ACYP2: variants seen among roughly 807,000 people sequenced by gnomAD.
ACYP2 encodes acylphosphatase-2.
ACYP2 carries 12 observed loss-of-function variants against 11.2 expected under a neutral mutation model. The ratio of observed to expected loss-of-function variants is 1.08; its 90% confidence interval spans 0.69 to 1.74. ACYP2 has a LOEUF of 1.74. ACYP2 is among the 40% of genes most tolerant of loss of function. ACYP2 has a pLI of 0.00. For synonymous variants in ACYP2, 43 were observed against 32.2 expected, an observed-to-expected ratio of 1.33 and a Z score of -1.13; for missense variants, 134 against 101.9, an observed-to-expected ratio of 1.31 and a Z score of -1.35.
intron 2 of ACYP2, among the ~76,000 whole-genome samples, chr2:54,018,980 A>G (rs944182456): frequency 2.6e-5 from 4 of 152,038 alleles, no homozygotes; most frequent in Non-Finnish European, 5.9e-5. Context: ...CCTGATCTCA[A>G]GTGATCCACC....
intron 2 of ACYP2, among the ~76,000 whole-genome samples, chr2:53,977,527 G>A (rs1220464105): frequency 6.6e-6 from 1 of 151,872 alleles, no homozygotes; most frequent in Non-Finnish European, 1.5e-5. Context: ...GAGGTCAAGA[G>A]TTTGAGACCA....
At chr2:54,039,217 G>GTT (rs546709588) in intron 2 of ACYP2, among the ~76,000 whole-genome samples, 304 of 126,040 alleles carry the variant, frequency 2.4e-3, no homozygotes, top group South Asian at 9.9e-3. Flanking sequence ...ATCTTTGGAA[G>GTT]TTTTTTTTTT....
chr2:54,033,922 A>G (rs1043245500), intron 2 of ACYP2, among the ~76,000 whole-genome samples: 1 of 152,246 alleles, frequency 6.6e-6, no homozygotes, highest in African/African-American at 2.4e-5. Flanking sequence ...CAAATGAATC[A>G]TAATATTTCA....
chr2:54,185,429 C>G (rs1199971848), intron 6 of ACYP2, among the ~76,000 whole-genome samples: 1 of 152,106 alleles, frequency 6.6e-6, no homozygotes, highest in East Asian at 1.9e-4. Flanking sequence ...TATTGAGGGC[C>G]ATTGTTTTGG....
intron 2 of ACYP2, among the ~76,000 whole-genome samples, chr2:53,982,711 A>T (rs977096879): frequency 1.3e-5 from 2 of 152,112 alleles, no homozygotes; most frequent in South Asian, 4.1e-4. Flanking sequence ...CTGTTGAGTG[A>T]TTGTCTTAGC....
intron 4 of ACYP2, among the ~76,000 whole-genome samples, chr2:54,123,611 C>T (rs895312859): frequency 1.3e-5 from 2 of 152,122 alleles, no homozygotes; most frequent in African/African-American, 2.4e-5. Context: ...CCATTCCCCA[C>T]CTCATTCCCC....
At chr2:54,106,773 C>T (rs909926276) in intron 4 of ACYP2, among the ~76,000 whole-genome samples, 12 of 151,962 alleles carry the variant, frequency 7.9e-5, no homozygotes, top group East Asian at 5.8e-4. Context: ...TTAGTAGAGA[C>T]GGGGTTTCAC....
At chr2:54,221,520 C>T (rs76811863) in intron 6 of ACYP2, among the ~76,000 whole-genome samples, 47 of 127,278 alleles carry the variant, frequency 3.7e-4, no homozygotes, top group Middle Eastern at 4.3e-3. Flanking sequence ...GAATAAAATT[C>T]TTTTTTTTTT....
intron 4 of ACYP2, among the ~76,000 whole-genome samples, chr2:54,119,010 G>A (rs1208848863): frequency 7.4e-6 from 1 of 134,532 alleles, no homozygotes; most frequent in Non-Finnish European, 1.6e-5. Flanking sequence ...TTCTTTCCCA[G>A]TTATACACAA....
intron 6 of ACYP2, among the ~76,000 whole-genome samples, chr2:54,201,365 A>G (rs544544950): frequency 2.0e-4 from 30 of 152,026 alleles, no homozygotes; most frequent in Non-Finnish European, 3.7e-4. Context: ...TTGGCCTCCC[A>G]AAGTGCTGAG....
At chr2:54,190,238 T>G (rs1415008405) in intron 6 of ACYP2, among the ~76,000 whole-genome samples, 3 of 152,214 alleles carry the variant, frequency 2.0e-5, no homozygotes, top group Non-Finnish European at 4.4e-5. Context: ...TTATTTTTGC[T>G]TTTGTAGCCT....
At chr2:54,119,527 C>T (rs1680021162) in intron 4 of ACYP2, among the ~76,000 whole-genome samples, 1 of 152,108 alleles carries the variant, frequency 6.6e-6, no homozygotes, top group Admixed American at 6.5e-5. Flanking sequence ...ATAAAGTCAT[C>T]ATTAAAATAT....
chr2:54,105,504 G>A (rs1197531545), intron 4 of ACYP2, among the ~76,000 whole-genome samples: 1 of 151,476 alleles, frequency 6.6e-6, no homozygotes, highest in East Asian at 1.9e-4. Flanking sequence ...TTTGAGGCAG[G>A]GTCTCGTTTT....
intron 6 of ACYP2, among the ~76,000 whole-genome samples, chr2:54,244,122 A>G (rs2103992025): frequency 6.6e-6 from 1 of 152,262 alleles, no homozygotes; most frequent in Non-Finnish European, 1.5e-5. Context: ...ACTTAATTTT[A>G]TTAAAAACAC....
intron 2 of ACYP2, among the ~76,000 whole-genome samples, chr2:54,017,553 C>A (rs1673768125): frequency 6.6e-6 from 1 of 152,096 alleles, no homozygotes; most frequent in South Asian, 2.1e-4. Flanking sequence ...CTGTGCCTGG[C>A]CAGGCCATTA....
chr2:54,188,794 A>G (rs945812260), intron 6 of ACYP2, among the ~76,000 whole-genome samples: 1 of 152,096 alleles, frequency 6.6e-6, no homozygotes, highest in African/African-American at 2.4e-5. Flanking sequence ...TTTTAACAAG[A>G]TCCCCAGGAT....
At chr2:54,241,554 G>GTT (rs376884673) in intron 6 of ACYP2, among the ~76,000 whole-genome samples, 3 of 150,128 alleles carry the variant, frequency 2.0e-5, no homozygotes. Context: ...AAGTTTTGCA[G>GTT]TTTTTTTTTT....
chr2:54,138,953 C>A (rs914558314), intron 6 of ACYP2, among the ~76,000 whole-genome samples: 1 of 152,126 alleles, frequency 6.6e-6, no homozygotes, highest in African/African-American at 2.4e-5. Context: ...CCGTGCCTGG[C>A]CTTATAAGGC....
At chr2:54,154,750 C>T (rs189820168) in intron 6 of ACYP2, among the ~76,000 whole-genome samples, 28 of 152,178 alleles carry the variant, frequency 1.8e-4, no homozygotes, top group Middle Eastern at 3.4e-3. Flanking sequence ...TCATAATGTT[C>T]TTGTCTGGCT....
Sources: allele counts gnomAD v4.1 joint callset (sites outside exome capture counted in the v4.1 genomes callset), GRCh38; gene constraint gnomAD v4.1.1; transcripts MANE v1.5; gene names NCBI Gene and HGNC (gene_info 2026-07-23, HGNC 2026-07-21).